The following SMC5 variants were observed in gnomAD, a reference collection of about 807,000 sequenced individuals.
SMC5 encodes the protein structural maintenance of chromosomes protein 5.
Under a neutral mutation model 148.3 loss-of-function variants are expected in SMC5, and 88 were observed. That is an observed-to-expected ratio of 0.59 (90% CI 0.50 to 0.71). SMC5 has a LOEUF of 0.71. Ranked by LOEUF, SMC5 falls within the 30% of genes least tolerant of loss-of-function variation. The pLI is 0.00. For synonymous variants in SMC5, 421 were observed against 432.8 expected, an observed-to-expected ratio of 0.97 and a Z score of 0.34; for missense variants, 1,142 against 1,298.9, an observed-to-expected ratio of 0.88 and a Z score of 1.86.
intron 8 of SMC5, among the ~76,000 whole-genome samples, chr9:70,296,962 C>G (rs7038061): frequency 0.49 from 74,749 of 152,000 alleles, 21,036 homozygotes; most frequent in Non-Finnish European, 0.62. Flanking sequence ...TAAAATCTCA[C>G]AATATTAGTC....
intron 17 of SMC5, among the ~76,000 whole-genome samples, chr9:70,340,986 A>G (rs1203582864): frequency 6.6e-6 from 1 of 152,134 alleles, no homozygotes; most frequent in South Asian, 2.1e-4. Flanking sequence ...CTTACATCTT[A>G]AACAGATGGA....
chr9:70,261,988 G>A (rs1176556890), intron 1 of SMC5, among the ~76,000 whole-genome samples: 1 of 152,228 alleles, frequency 6.6e-6, no homozygotes, highest in African/African-American at 2.4e-5. Flanking sequence ...CAGGCCGGAT[G>A]CAAAGAGAAG....
chr9:70,279,286 C>T (rs1447698263), intron 5 of SMC5, among the ~76,000 whole-genome samples: 2 of 151,770 alleles, frequency 1.3e-5, no homozygotes, highest in South Asian at 2.1e-4. Context: ...GAGACTGATT[C>T]GGGAGAATCG....
chr9:70,332,492 T>G (rs1254922174), intron 17 of SMC5, among the ~76,000 whole-genome samples: 1 of 144,480 alleles, frequency 6.9e-6, no homozygotes, highest in Admixed American at 7.1e-5. Context: ...CTACTGTACT[T>G]CAGCCTGGGT....
intron 15 of SMC5, among the ~76,000 whole-genome samples, chr9:70,321,675 C>T (rs1053841355): frequency 1.3e-5 from 2 of 152,274 alleles, no homozygotes; most frequent in South Asian, 2.1e-4. Context: ...AGCCACCACA[C>T]CCAGCCAAAA....
intron 17 of SMC5, among the ~76,000 whole-genome samples, chr9:70,329,232 G>A (rs568137274): frequency 1.3e-5 from 2 of 152,278 alleles, no homozygotes; most frequent in South Asian, 4.1e-4. Context: ...TTCCTTCTCC[G>A]GGAAATGGGT....
At position 70,297,990 on chromosome 9, in the gene SMC5, A is replaced by T; in HGVS notation, c.1078A>T (p.Ile360Leu). 1 of 1,613,580 alleles carries T rather than the reference A, an allele frequency of 6.2e-7. No homozygotes were observed. The highest frequency in any genetic ancestry group is 8.5e-7 in the Non-Finnish European group (1 of 1,179,842). ...GATTGAGGAACTTCAGCAGGCTTTA[A>T]TAGTAAAGCAAAATGAAGAGCTTGA... ...KHIEELQQAL[I>L]VKQNEELDRQ... Residue 360 changes from isoleucine (I) to leucine (L), a missense_variant, in exon 9 of 25, where the codon ATA becomes TTA. Ile to Leu is a conservative substitution (Grantham distance 5). Coordinates refer to ENST00000361138, the MANE Select transcript of SMC5 (RefSeq NM_015110.4).
Position 70,318,801 on chromosome 9 carries a change from A to G in SMC5, c.1988A>G (p.His663Arg), listed in dbSNP as rs144566039. ...RHLEEQLKEI[H>R]RKLQAVDSGL... is the part of the protein sequence containing the mutation. The stretch of plus-strand genomic sequence containing the variant: ...TTTTTAAATATTTTATAGGAAATTC[A>G]TAGAAAATTGCAAGCAGTGGATTCA... The change falls in exon 15 of 25, where the codon CAT (histidine) becomes CGT (arginine). Residue 663 changes from histidine (H) to arginine (R), a missense_variant. Around this residue, in one of 5 missense-constraint regions of SMC5, gnomAD observed 743 missense variants for 835.7 expected, o/e 0.89. Coordinates refer to ENST00000361138, the MANE Select transcript of SMC5 (RefSeq NM_015110.4). 5 of 1,562,826 alleles carry G rather than the reference A, an allele frequency of 3.2e-6. No homozygotes were observed. The highest frequency in any genetic ancestry group is 4.5e-5 in the East Asian group (2 of 44,252).
In SMC5 at chr9:70,353,692, G is replaced by T. The variant is rs1313107099; in HGVS notation, c.*1361G>T. The T allele has an allele frequency of 1.3e-5, 2 of 152,110 alleles. No homozygotes were observed. The highest frequency in any genetic ancestry group is 6.5e-5 in the Admixed American group (1 of 15,270). The allele number at this position is 152,110 out of a possible 1,614,324, so 9.4% of individuals were successfully genotyped here. On this transcript the variant is annotated 3_prime_UTR_variant, in exon 25 of 25. Coordinates refer to ENST00000361138, the MANE Select transcript of SMC5 (RefSeq NM_015110.4). The stretch of plus-strand genomic sequence containing the variant: ...ACTTAGACATTTTCTCTTTAAAAAG[G>T]TATTTTCTTCTTTATAAACATTTTA...
At chr9:70,288,582 T>A (rs1237701326) in intron 8 of SMC5, among the ~76,000 whole-genome samples, 1 of 152,120 alleles carries the variant, frequency 6.6e-6, no homozygotes, top group Non-Finnish European at 1.5e-5. Flanking sequence ...TAATTTTTAA[T>A]AAATGCATTA....
chr9:70,351,764 G>A (rs899692217), intron 24 of SMC5, among the ~76,000 whole-genome samples: 2 of 152,076 alleles, frequency 1.3e-5, no homozygotes, highest in African/African-American at 4.8e-5. Context: ...TTTATATTGA[G>A]GTGTTTAAGA....
At position 70,280,301 on chromosome 9, in the gene SMC5, G is replaced by T. The variant is rs532688936; in HGVS notation, c.679-458G>T. ...TTGACACCATAATGGCTAATTCTTA[G>T]CTTTCTTTCATCTCGTTTCTAAGAC... On this transcript the variant is annotated intron_variant, in intron 5 of 24. Coordinates refer to ENST00000361138, the MANE Select transcript of SMC5 (RefSeq NM_015110.4). Among the ~76,000 whole-genome samples, 24 of 152,264 alleles carry T rather than the reference G, an allele frequency of 1.6e-4. No individual in the cohort carries two copies. In the South Asian group the frequency reaches 4.4e-3, roughly 28 times the overall value.
At chr9:70,299,978 A>G (rs2035314056) in intron 9 of SMC5, 68 bp from the exon 10 acceptor site, 2 of 1,404,548 alleles carry the variant, frequency 1.4e-6, no homozygotes, top group Non-Finnish European at 1.9e-6. Context: ...CTTTTGTGTT[A>G]TTATTAGATT....
chr9:70,276,383 C>T (rs780558991), intron 3 of SMC5, among the ~76,000 whole-genome samples: 1 of 152,146 alleles, frequency 6.6e-6, no homozygotes, highest in African/African-American at 2.4e-5. Flanking sequence ...ATGATGTTAG[C>T]CAGAATTCCT....
At position 70,350,159 on chromosome 9, in the gene SMC5, A is replaced by C; in HGVS notation, c.2935A>C (p.Ser979Arg). ...AATTCGAATTAGAGTCAAATTTCGAAGTAGTACTCAACTGCATGAATTAAC... is the reference window on the plus strand; with the variant it reads ...AATTCGAATTAGAGTCAAATTTCGACGTAGTACTCAACTGCATGAATTAAC... ...YGIRIRVKFRSSTQLHELTPH... is the reference protein window; with the variant it reads ...YGIRIRVKFRRSTQLHELTPH... The change falls in exon 23 of 25, where the codon AGT becomes CGT. Residue 979 changes from serine to arginine, a missense_variant. Transcript: ENST00000361138. The C allele has an allele frequency of 6.2e-7, 1 of 1,611,712 alleles. No homozygotes were observed. Among genetic ancestry groups the C allele is most frequent in the Non-Finnish European group, 8.5e-7 (1 of 1,179,160 alleles).
chr9:70,275,335 A>G (rs1337022240), intron 3 of SMC5, among the ~76,000 whole-genome samples: 5 of 151,912 alleles, frequency 3.3e-5, no homozygotes, highest in Non-Finnish European at 1.5e-5. Context: ...CTCAGCCTAC[A>G]GGCACTCACC....
intron 11 of SMC5, among the ~76,000 whole-genome samples, chr9:70,310,423 G>A (rs1378434528): frequency 6.6e-6 from 1 of 152,082 alleles, no homozygotes; most frequent in Non-Finnish European, 1.5e-5. Flanking sequence ...TTTTTCTGAG[G>A]AGTAGGTCTC....
At chr9:70,306,870 T>C (rs946001889) in intron 11 of SMC5, among the ~76,000 whole-genome samples, 1 of 152,218 alleles carries the variant, frequency 6.6e-6, no homozygotes, top group African/African-American at 2.4e-5. Context: ...ATTTATTCTA[T>C]ATAACCTTCT....
At chr9:70,284,412 C>T (rs955170031) in intron 7 of SMC5, among the ~76,000 whole-genome samples, 1 of 152,142 alleles carries the variant, frequency 6.6e-6, no homozygotes, top group East Asian at 1.9e-4. Context: ...ACACGACTTC[C>T]TCAAGGATAT....
Sources: allele counts gnomAD v4.1 joint callset (sites outside exome capture counted in the v4.1 genomes callset), GRCh38; gene constraint gnomAD v4.1.1; regional missense constraint gnomAD v4.1.1; transcripts MANE v1.5; gene names NCBI Gene and HGNC (gene_info 2026-07-23, HGNC 2026-07-21).